The following GPC6 variants were observed in gnomAD, a reference collection of about 807,000 sequenced individuals.
GPC6 encodes the protein glypican-6.
Under a neutral mutation model 55.2 loss-of-function variants are expected in GPC6, and 14 were observed. The ratio of observed to expected loss-of-function variants is 0.25; its 90% CI spans 0.17 to 0.40. GPC6 has a LOEUF of 0.40. Ranked by LOEUF, GPC6 falls within the 10% of genes least tolerant of loss-of-function variation. GPC6 has a pLI of 1.00. For missense variants in GPC6, 641 were observed against 708.5 expected (o/e 0.90, Z 1.08); for synonymous variants, 278 against 259.6 (o/e 1.07, Z -0.68).
At chr13:93,627,509 G>T (rs9556312) in intron 2 of GPC6, among the ~76,000 whole-genome samples, 41,767 of 152,020 alleles carry the variant, frequency 0.27, 6,803 homozygotes, top group Non-Finnish European at 0.37. Context: ...TCGGGTCACA[G>T]ATCCAAAACT....
intron 5 of GPC6, among the ~76,000 whole-genome samples, chr13:94,294,834 A>T (rs1451870710): frequency 6.6e-6 from 1 of 152,084 alleles, no homozygotes; most frequent in Non-Finnish European, 1.5e-5. Flanking sequence ...TAAGGCAGTG[A>T]GCATATTATT....
intron 2 of GPC6, among the ~76,000 whole-genome samples, chr13:93,810,337 T>G (rs1247502810): frequency 6.6e-6 from 1 of 152,198 alleles, no homozygotes; most frequent in Non-Finnish European, 1.5e-5. Flanking sequence ...CCCATTGTTG[T>G]GTTGTAGGTC....
chr13:93,397,482 C>T (rs1163931370), intron 1 of GPC6, among the ~76,000 whole-genome samples: 1 of 152,102 alleles, frequency 6.6e-6, no homozygotes, highest in Non-Finnish European at 1.5e-5. Flanking sequence ...TGTCTTTTGC[C>T]CATTTTGAAA....
intron 3 of GPC6, among the ~76,000 whole-genome samples, chr13:93,920,701 A>G (rs546217383): frequency 6.6e-6 from 1 of 152,268 alleles, no homozygotes; most frequent in Middle Eastern, 3.4e-3. Context: ...CGTCTTCCCC[A>G]GTGCCAGCCC....
chr13:94,293,120 C>T (rs183565056), intron 5 of GPC6, among the ~76,000 whole-genome samples: 13 of 152,270 alleles, frequency 8.5e-5, no homozygotes, highest in African/African-American at 3.1e-4. Flanking sequence ...CTCCCAGTAA[C>T]AGTGACAACC....
intron 2 of GPC6, among the ~76,000 whole-genome samples, chr13:93,637,122 T>A (rs546193574): frequency 6.6e-6 from 1 of 152,226 alleles, no homozygotes; most frequent in South Asian, 2.1e-4. Flanking sequence ...GTAAGCTCAA[T>A]GATCAATGCT....
chr13:93,296,398 T>C (rs1350559571), intron 1 of GPC6, among the ~76,000 whole-genome samples: 2 of 152,214 alleles, frequency 1.3e-5, no homozygotes, highest in African/African-American at 4.8e-5. Context: ...ATTTATCTTC[T>C]TTTAATACAA....
intron 4 of GPC6, among the ~76,000 whole-genome samples, chr13:94,064,871 T>C (rs1028579152): frequency 8.5e-5 from 13 of 152,196 alleles, no homozygotes; most frequent in Admixed American, 6.5e-4. Context: ...CCAAGTACTC[T>C]TGGTATCTTC....
chr13:93,736,600 A>T (rs764616531), intron 2 of GPC6, among the ~76,000 whole-genome samples: 26 of 152,186 alleles, frequency 1.7e-4, no homozygotes, highest in Non-Finnish European at 2.9e-4. Context: ...AGGCACAATC[A>T]AGAAAATGAA....
At chr13:94,238,964 G>T (rs1219510887) in intron 4 of GPC6, among the ~76,000 whole-genome samples, 1 of 152,140 alleles carries the variant, frequency 6.6e-6, no homozygotes, top group Non-Finnish European at 1.5e-5. Context: ...CTTTTGCAAA[G>T]ATCATTCATA....
chr13:93,717,681 G>T (rs377423257), intron 2 of GPC6, among the ~76,000 whole-genome samples: 16 of 151,754 alleles, frequency 1.1e-4, no homozygotes, highest in African/African-American at 3.9e-4. Context: ...TGTTACATAG[G>T]TATACATGTG....
chr13:93,830,030 C>T lies in GPC6; in HGVS notation c.320-124C>T, dbSNP rs894665536. 4 of 661,344 alleles carry T rather than the reference C, an allele frequency of 6.0e-6. No individual in the cohort carries two copies. The Admixed American group carries it at 1.1e-4, about 18-fold the overall frequency. 41.0% of individuals were successfully genotyped at this position (661,344 alleles called of 1,614,324 possible). On this transcript the variant is annotated intron_variant, in intron 2 of 8. Coordinates refer to ENST00000377047, the MANE Select transcript of GPC6 (RefSeq NM_005708.5). ...TATGTTTTTTATCTGTCCATTAACA[C>T]CTTAATCACAGGATATGTTTTTCCA...
intron 1 of GPC6, among the ~76,000 whole-genome samples, chr13:93,494,478 G>T (rs1018899044): frequency 6.6e-6 from 1 of 152,048 alleles, no homozygotes; most frequent in East Asian, 1.9e-4. Flanking sequence ...TTTTTATCCA[G>T]CTTGCCAGTC....
intron 1 of GPC6, among the ~76,000 whole-genome samples, chr13:93,287,201 G>A (rs1158676604): frequency 6.6e-6 from 1 of 152,094 alleles, no homozygotes; most frequent in Non-Finnish European, 1.5e-5. Context: ...TTTCAGATAA[G>A]GGGTGTTCAA....
intron 4 of GPC6, among the ~76,000 whole-genome samples, chr13:94,087,917 A>C (rs1166011193): frequency 6.6e-6 from 1 of 152,190 alleles, no homozygotes; most frequent in Non-Finnish European, 1.5e-5. Flanking sequence ...TTCTTTGTGG[A>C]CATGGGTACC....
At chr13:93,406,468 C>G (rs942349) in intron 1 of GPC6, among the ~76,000 whole-genome samples, 46,431 of 151,972 alleles carry the variant, frequency 0.31, 8,118 homozygotes, top group East Asian at 0.8. Context: ...CACTTCTAGT[C>G]AGTTCATTAA....
intron 2 of GPC6, among the ~76,000 whole-genome samples, chr13:93,654,012 A>G (rs1880543693): frequency 6.6e-6 from 1 of 152,174 alleles, no homozygotes; most frequent in Non-Finnish European, 1.5e-5. Context: ...ATGGTGCATT[A>G]CCATTGCAAA....
chr13:94,118,154 T>G (rs1048105055), intron 4 of GPC6, among the ~76,000 whole-genome samples: 1 of 152,026 alleles, frequency 6.6e-6, no homozygotes, highest in Non-Finnish European at 1.5e-5. Flanking sequence ...GAATTGTAGT[T>G]CTCATAATCC....
Position 94,380,951 on chromosome 13 carries a change from A to G in GPC6, c.1153-1463A>G, listed in dbSNP as rs1239412675. 2.0e-5 allele frequency among the ~76,000 whole-genome samples: 3 copies of G among 152,130 alleles called. No individual in the cohort carries two copies. The East Asian group carries it at 5.8e-4, about 29-fold the overall frequency. The stretch of plus-strand genomic sequence containing the variant: ...CCAGCTGGTTTTCAGAATGCCCCTG[A>G]GTTTCGGTTTGTCTGATATGTCCTC... On this transcript the variant is annotated intron_variant, in intron 6 of 8. Transcript: ENST00000377047.
Sources: gnomAD v4.1 joint callset for allele counts (sites outside exome capture counted in the v4.1 genomes callset) on GRCh38, gnomAD v4.1.1 for gene constraint, MANE v1.5 for transcripts, NCBI Gene and HGNC (gene_info 2026-07-23, HGNC 2026-07-21) for gene names.